GPR158: variants seen among roughly 807,000 people sequenced by gnomAD.
GPR158 encodes the protein G protein-coupled receptor 158.
In GPR158, 30 loss-of-function variants were observed where a neutral mutation model predicts 78.2. The ratio of observed to expected loss-of-function variants is 0.38; its 90% CI spans 0.29 to 0.52. The LOEUF is 0.52. GPR158 is among the 20% of genes least tolerant of loss of function. GPR158 has a pLI of 0.83. For synonymous variants in GPR158, 581 were observed against 591.1 expected, an observed-to-expected ratio of 0.98 and a Z score of 0.25; for missense variants, 1,463 against 1,523.5, an observed-to-expected ratio of 0.96 and a Z score of 0.66.
At chr10:25,411,933 C>CAAAAA (rs1164005677) in intron 3 of GPR158, among the ~76,000 whole-genome samples, 8 of 47,468 alleles carry the variant, frequency 1.7e-4, no homozygotes, top group Admixed American at 3.8e-4. Flanking sequence ...GACTCTATCA[C>CAAAAA]AAAAAAAAAA....
chr10:25,262,779 T>C (rs2130735040), intron 2 of GPR158, among the ~76,000 whole-genome samples: 1 of 152,346 alleles, frequency 6.6e-6, no homozygotes, highest in Admixed American at 6.5e-5. Flanking sequence ...TTGTACATTC[T>C]ACTATAGATG....
At chr10:25,291,549 C>T (rs1854435982) in intron 2 of GPR158, among the ~76,000 whole-genome samples, 2 of 151,990 alleles carry the variant, frequency 1.3e-5, no homozygotes, top group Non-Finnish European at 2.9e-5. Flanking sequence ...TTAATATTCT[C>T]AGTGTTGGCA....
chr10:25,467,849 T>C (rs1835446373), intron 5 of GPR158, among the ~76,000 whole-genome samples: 1 of 152,164 alleles, frequency 6.6e-6, no homozygotes, highest in Non-Finnish European at 1.5e-5. Context: ...AGTTCCTGTC[T>C]GTGTCTCAAG....
intron 2 of GPR158, among the ~76,000 whole-genome samples, chr10:25,360,737 A>G (rs997350517): frequency 3.3e-5 from 5 of 152,142 alleles, no homozygotes; most frequent in African/African-American, 1.2e-4. Flanking sequence ...TGTCTTGGCT[A>G]TATGGGCTCT....
intron 2 of GPR158, among the ~76,000 whole-genome samples, chr10:25,377,600 T>C (rs1201617132): frequency 6.6e-6 from 1 of 152,082 alleles, no homozygotes; most frequent in Non-Finnish European, 1.5e-5. Context: ...TTGCCTATTC[T>C]GGACATTTTA....
chr10:25,236,672 C>T (rs1032184360), intron 2 of GPR158, among the ~76,000 whole-genome samples: 1 of 151,948 alleles, frequency 6.6e-6, no homozygotes, highest in Non-Finnish European at 1.5e-5. Flanking sequence ...CTGATCGAGT[C>T]ATGCTTATCC....
At chr10:25,378,832 C>T (rs1487894123) in intron 2 of GPR158, among the ~76,000 whole-genome samples, 1 of 151,914 alleles carries the variant, frequency 6.6e-6, no homozygotes, top group Non-Finnish European at 1.5e-5. Context: ...TGCTTTGTCA[C>T]CCAGGCTGGG....
At chr10:25,448,824 T>C (rs981322513) in intron 4 of GPR158, among the ~76,000 whole-genome samples, 1 of 152,226 alleles carries the variant, frequency 6.6e-6, no homozygotes, top group Non-Finnish European at 1.5e-5. Flanking sequence ...TTTTTCTTTG[T>C]GGCTTTATTC....
chr10:25,227,477 A>T (rs1387556638), intron 2 of GPR158, among the ~76,000 whole-genome samples: 5 of 152,210 alleles, frequency 3.3e-5, no homozygotes, highest in Non-Finnish European at 5.9e-5. Flanking sequence ...CATGCAACCC[A>T]GTTCTGACTT....
chr10:25,179,640 T>C (rs558171360), intron 1 of GPR158, among the ~76,000 whole-genome samples: 2,563 of 152,282 alleles, frequency 0.017, 27 homozygotes, highest in South Asian at 0.035. Context: ...ATGACACAAG[T>C]ATCTTAAAAT....
chr10:25,314,962 T>G (rs2130468888), intron 2 of GPR158, among the ~76,000 whole-genome samples: 1 of 150,554 alleles, frequency 6.6e-6, no homozygotes, highest in South Asian at 2.1e-4. Context: ...GTATATTTTA[T>G]TAATTTTTAG....
chr10:25,261,392 G>A (rs1311594007), intron 2 of GPR158, among the ~76,000 whole-genome samples: 2 of 152,020 alleles, frequency 1.3e-5, no homozygotes, highest in African/African-American at 4.8e-5. Context: ...TGTGAAACTA[G>A]GTCTACTATA....
intron 1 of GPR158, among the ~76,000 whole-genome samples, chr10:25,207,750 A>T (rs935174458): frequency 5.9e-5 from 9 of 152,092 alleles, no homozygotes; most frequent in African/African-American, 1.7e-4. Flanking sequence ...TATATTTACT[A>T]CTAGGTTGAC....
intron 1 of GPR158, among the ~76,000 whole-genome samples, chr10:25,204,219 G>T (rs944239648): frequency 5.3e-5 from 8 of 152,074 alleles, no homozygotes; most frequent in African/African-American, 9.7e-5. Flanking sequence ...TTTGACTTCT[G>T]CTTTTCCTAA....
intron 1 of GPR158, among the ~76,000 whole-genome samples, chr10:25,200,858 T>TTTTTG (rs1485303150): frequency 1.4e-5 from 2 of 144,450 alleles, no homozygotes. Context: ...ATGTATCTGT[T>TTTTTG]TTTTGTTTTG....
At chr10:25,490,791 C>A (rs1191980220) in intron 5 of GPR158, among the ~76,000 whole-genome samples, 1 of 151,086 alleles carries the variant, frequency 6.6e-6, no homozygotes. Flanking sequence ...GATTTATAGT[C>A]CTTTGGGTAT....
intron 4 of GPR158, among the ~76,000 whole-genome samples, chr10:25,426,725 T>C (rs1160512879): frequency 3.3e-5 from 5 of 152,036 alleles, no homozygotes; most frequent in African/African-American, 1.2e-4. Context: ...ATAACAGATA[T>C]AATAATAATG....
At chr10:25,439,020 T>C (rs748251310) in intron 4 of GPR158, among the ~76,000 whole-genome samples, 2 of 152,212 alleles carry the variant, frequency 1.3e-5, no homozygotes, top group Non-Finnish European at 2.9e-5. Flanking sequence ...CATGCTACAG[T>C]GGCAGAATTG....
Position 25,337,829 on chromosome 10 carries a change from G to C in GPR158, c.1009-58082G>C, listed in dbSNP as rs576796515. ...TGTCAGTTTTAATTTTAGCCTATCT[G>C]ATGTGCAGCACTATCTCATTTTAGT... On this transcript the variant is annotated intron_variant, in intron 2 of 10. Coordinates refer to ENST00000376351, the MANE Select transcript of GPR158 (RefSeq NM_020752.3). Among the ~76,000 whole-genome samples the C allele has an allele frequency of 5.3e-5, 8 of 152,060 alleles. No homozygotes were observed. The South Asian group carries it at 1.0e-3, about 20-fold the overall frequency.
Sources: allele counts gnomAD v4.1 joint callset (sites outside exome capture counted in the v4.1 genomes callset), GRCh38; gene constraint gnomAD v4.1.1; transcripts MANE v1.5; gene names NCBI Gene and HGNC (gene_info 2026-07-23, HGNC 2026-07-21).